Variants in LARGE1 observed in about 807,000 individuals in gnomAD.
LARGE1 encodes the protein xylosyl- and glucuronyltransferase LARGE1.
In LARGE1, 43 loss-of-function variants were observed where a neutral mutation model predicts 87.6. That is an observed-to-expected ratio of 0.49 (90% confidence interval 0.38 to 0.63). LARGE1 has a LOEUF of 0.63. Ranked by LOEUF, LARGE1 falls within the 30% of genes least tolerant of loss-of-function variation. LARGE1 has a pLI of 0.00. For missense variants in LARGE1, 802 were observed against 1,000.2 expected, an observed-to-expected ratio of 0.80 and a Z score of 2.67; for synonymous variants, 434 against 394.6, an observed-to-expected ratio of 1.10 and a Z score of -1.18.
intron 6 of LARGE1, among the ~76,000 whole-genome samples, chr22:33,540,398 C>CT (rs970902075): frequency 1.3e-5 from 2 of 152,142 alleles, no homozygotes; most frequent in African/African-American, 4.8e-5. Context: ...CAGCCCTGAC[C>CT]TTTTCTGGTA....
the LARGE1 span, among the ~76,000 whole-genome samples, chr22:33,153,712 T>A: frequency 6.6e-6 from 1 of 152,248 alleles, no homozygotes; most frequent in East Asian, 1.9e-4. Flanking sequence ...GTTTGCATTA[T>A]CTTACCAACA....
chr22:33,315,913 C>A (rs769347896), intron 11 of LARGE1, among the ~76,000 whole-genome samples, 172 bp downstream of exon 11: 1 of 152,168 alleles, frequency 6.6e-6, no homozygotes, highest in Non-Finnish European at 1.5e-5. Context: ...CAGGTGTGAG[C>A]CACCGTGCCC....
intron 5 of LARGE1, among the ~76,000 whole-genome samples, chr22:33,578,744 T>C (rs2078425716): frequency 6.6e-6 from 1 of 152,214 alleles, no homozygotes; most frequent in Non-Finnish European, 1.5e-5. Flanking sequence ...GATACTCACA[T>C]GATTATTACA....
intron 6 of LARGE1, among the ~76,000 whole-genome samples, chr22:33,438,983 G>A (rs535133361): frequency 1.3e-5 from 2 of 152,050 alleles, no homozygotes; most frequent in Admixed American, 6.6e-5. Flanking sequence ...GGCCAAGGTG[G>A]GTGGATCACT....
At chr22:33,081,750 T>G in the LARGE1 span, among the ~76,000 whole-genome samples, 1 of 152,162 alleles carries the variant, frequency 6.6e-6, no homozygotes, top group Non-Finnish European at 1.5e-5. Context: ...TGGGAACATC[T>G]GACAAATATA....
At chr22:33,337,157 T>C (rs1212598436) in intron 10 of LARGE1, among the ~76,000 whole-genome samples, 1 of 152,022 alleles carries the variant, frequency 6.6e-6, no homozygotes, top group African/African-American at 2.4e-5. Flanking sequence ...GGAATAGCTA[T>C]AGTAGACTGT....
intron 4 of LARGE1, among the ~76,000 whole-genome samples, chr22:33,611,619 G>C (rs1462604675): frequency 1.3e-5 from 2 of 152,184 alleles, no homozygotes; most frequent in Non-Finnish European, 2.9e-5. Context: ...CTTTGAACTT[G>C]GGACTTCTGA....
At chr22:33,390,891 T>C (rs989504402) in intron 7 of LARGE1, among the ~76,000 whole-genome samples, 1 of 152,116 alleles carries the variant, frequency 6.6e-6, no homozygotes, top group African/African-American at 2.4e-5. Flanking sequence ...GAGAAGGGGT[T>C]TCACCATGTT....
intron 7 of LARGE1, among the ~76,000 whole-genome samples, chr22:33,427,400 T>C (rs2066916058): frequency 1.3e-5 from 2 of 152,134 alleles, no homozygotes; most frequent in African/African-American, 2.4e-5. Context: ...GAATGGGAGA[T>C]GGTGGAAAGA....
chr22:33,191,593 C>T (rs1923782660), intron 11 of LARGE1, among the ~76,000 whole-genome samples: 1 of 152,114 alleles, frequency 6.6e-6, no homozygotes, highest in Non-Finnish European at 1.5e-5. Context: ...GTGGTTTCAC[C>T]CATAATACCA....
At chr22:33,361,908 T>G (rs1402644846) in intron 9 of LARGE1, among the ~76,000 whole-genome samples, 1 of 149,318 alleles carries the variant, frequency 6.7e-6, no homozygotes, top group Non-Finnish European at 1.5e-5. Context: ...TCTGGGACTC[T>G]AGAAACCCCT....
chr22:33,609,578 T>C (rs2079368654), intron 4 of LARGE1, among the ~76,000 whole-genome samples: 1 of 152,032 alleles, frequency 6.6e-6, no homozygotes, highest in Non-Finnish European at 1.5e-5. Flanking sequence ...TTGAGTAACA[T>C]GGGGTTGAAC....
intron 3 of LARGE1, among the ~76,000 whole-genome samples, chr22:33,631,451 T>C: frequency 6.6e-6 from 1 of 152,352 alleles, no homozygotes; most frequent in South Asian, 2.1e-4. Context: ...AAAAATTATT[T>C]ATTTTTAACT....
intron 1 of LARGE1, among the ~76,000 whole-genome samples, chr22:33,854,881 G>T (rs563820374): frequency 6.6e-6 from 1 of 152,160 alleles, no homozygotes; most frequent in Non-Finnish European, 1.5e-5. Flanking sequence ...GTGCTGTGGG[G>T]TGCCATGTTG....
chr22:33,109,850 A>G, the LARGE1 span, among the ~76,000 whole-genome samples: 1 of 152,066 alleles, frequency 6.6e-6, no homozygotes, highest in Non-Finnish European at 1.5e-5. Context: ...TTGCCATGTG[A>G]CACCACCTGC....
intron 1 of LARGE1, among the ~76,000 whole-genome samples, chr22:33,811,564 A>G (rs1443411110): frequency 1.3e-5 from 2 of 152,202 alleles, no homozygotes; most frequent in African/African-American, 4.8e-5. Flanking sequence ...AAGATTTCCC[A>G]AATATTCGCA....
intron 6 of LARGE1, among the ~76,000 whole-genome samples, chr22:33,450,716 T>TA (rs1189643933): frequency 1.2e-4 from 18 of 152,202 alleles, no homozygotes; most frequent in African/African-American, 4.1e-4. Context: ...TTTCATCGTA[T>TA]AACTGATGAA....
intron 3 of LARGE1, among the ~76,000 whole-genome samples, chr22:33,633,967 CT>C (rs2080186983): frequency 6.6e-6 from 1 of 152,200 alleles, no homozygotes; most frequent in African/African-American, 2.4e-5. Context: ...GCCGCGTGAT[CT>C]TGGAAGAGTT....
the LARGE1 span, among the ~76,000 whole-genome samples, chr22:33,099,812 C>A: frequency 6.6e-6 from 1 of 152,180 alleles, no homozygotes. Flanking sequence ...TTGGCCAGAT[C>A]ATGAAATGCC....
Sources: gnomAD v4.1 joint callset for allele counts (sites outside exome capture counted in the v4.1 genomes callset) on GRCh38, gnomAD v4.1.1 for gene constraint, MANE v1.5 for transcripts, NCBI Gene and HGNC (gene_info 2026-07-23, HGNC 2026-07-21) for gene names.